The following UBE2H variants were observed in gnomAD, a reference collection of about 807,000 sequenced individuals.
The protein encoded by UBE2H is ubiquitin conjugating enzyme E2 H, also known as ubiquitin-conjugating enzyme E2 H.
UBE2H carries 3 observed loss-of-function variants against 29.0 expected under a neutral mutation model. The ratio of observed to expected loss-of-function variants is 0.10; its 90% CI spans 0.05 to 0.27. UBE2H has a LOEUF of 0.27. UBE2H is among the 10% of genes least tolerant of loss of function. The probability of loss-of-function intolerance (pLI) is 1.00; values close to 1 mark genes in which losing one functional copy is unlikely to be tolerated. For synonymous variants in UBE2H, 69 were observed against 82.9 expected, an observed-to-expected ratio of 0.83 and a Z score of 0.91; for missense variants, 68 against 228.2, an observed-to-expected ratio of 0.30 and a Z score of 4.52.
At chr7:129,841,715 T>C (rs1285756083) in intron 5 of UBE2H, among the ~76,000 whole-genome samples, 1 of 152,098 alleles carries the variant, frequency 6.6e-6, no homozygotes, top group Non-Finnish European at 1.5e-5. Context: ...CTTGGGGTGA[T>C]TTCATCAGAG....
At chr7:129,944,715 A>AACACACACACACACACAC (rs57825154) in intron 1 of UBE2H, among the ~76,000 whole-genome samples, 5 of 143,952 alleles carry the variant, frequency 3.5e-5, no homozygotes, top group African/African-American at 1.1e-4. Context: ...ATGCGCTCAA[A>AACACACACACACACACAC]ACACACACAC....
At chr7:129,835,641 A>T (rs1364693828) in intron 6 of UBE2H, among the ~76,000 whole-genome samples, 2 of 152,194 alleles carry the variant, frequency 1.3e-5, no homozygotes, top group Non-Finnish European at 2.9e-5. Flanking sequence ...TTCCATGTAT[A>T]ATTTACCTGA....
At chr7:129,864,282 C>T (rs938541179) in intron 3 of UBE2H, among the ~76,000 whole-genome samples, 5 of 152,142 alleles carry the variant, frequency 3.3e-5, no homozygotes, top group Admixed American at 1.3e-4. Flanking sequence ...GCCAGAAATT[C>T]GGAAAAGGAA....
chr7:129,889,743 G>A (rs1363792691), intron 1 of UBE2H, among the ~76,000 whole-genome samples: 1 of 152,118 alleles, frequency 6.6e-6, no homozygotes, highest in East Asian at 1.9e-4. Flanking sequence ...CAACACTTTG[G>A]GAAGCAAGGG....
intron 1 of UBE2H, among the ~76,000 whole-genome samples, chr7:129,889,738 CTT>C (rs1187560223): frequency 6.6e-6 from 1 of 152,148 alleles, no homozygotes; most frequent in African/African-American, 2.4e-5. Flanking sequence ...AATCCCAACA[CTT>C]TGGGAAGCAA....
At chr7:129,870,930 G>A (rs1806017502) in intron 3 of UBE2H, among the ~76,000 whole-genome samples, 1 of 152,156 alleles carries the variant, frequency 6.6e-6, no homozygotes, top group South Asian at 2.1e-4. Context: ...CTTCTGCCTG[G>A]AAAGCTCTTA....
intron 5 of UBE2H, among the ~76,000 whole-genome samples, chr7:129,844,868 C>G (rs2116281409): frequency 6.6e-6 from 1 of 152,340 alleles, no homozygotes; most frequent in Non-Finnish European, 1.5e-5. Context: ...GTGGCTCATG[C>G]CTGTAATCCT....
At chr7:129,878,291 C>A (rs935927239) in intron 3 of UBE2H, among the ~76,000 whole-genome samples, 3 of 152,126 alleles carry the variant, frequency 2.0e-5, no homozygotes, top group African/African-American at 7.2e-5. Context: ...AACTTAGAGG[C>A]CCCTATAGCA....
intron 1 of UBE2H, among the ~76,000 whole-genome samples, chr7:129,922,401 T>A (rs1184515139): frequency 6.6e-6 from 1 of 152,036 alleles, no homozygotes; most frequent in Non-Finnish European, 1.5e-5. Context: ...TTCTCCTGCC[T>A]CAACCTTCTG....
intron 1 of UBE2H, among the ~76,000 whole-genome samples, chr7:129,882,515 C>T (rs987773417): frequency 1.3e-5 from 2 of 152,174 alleles, no homozygotes; most frequent in Admixed American, 1.3e-4. Context: ...TTGGTAAAGT[C>T]CTTGCTCAAG....
At chr7:129,893,133 G>A (rs994119286) in intron 1 of UBE2H, among the ~76,000 whole-genome samples, 15 of 152,152 alleles carry the variant, frequency 9.9e-5, no homozygotes, top group Admixed American at 4.6e-4. Flanking sequence ...CAACTGGTAC[G>A]AGTAAGGTTA....
intron 3 of UBE2H, among the ~76,000 whole-genome samples, chr7:129,867,699 T>TAAAAAAAAAAAAAAAAAAGAAAAAAAAA (rs1805934341): frequency 3.4e-5 from 1 of 29,642 alleles, no homozygotes; most frequent in Non-Finnish European, 5.8e-5. Flanking sequence ...TAGAGTATAA[T>TAAAAAAAAAAAAAAAAAAGAAAAAAAAA]AAAAAAAAAA....
chr7:129,932,560 C>CA (rs1322995627), intron 1 of UBE2H, among the ~76,000 whole-genome samples: 1 of 151,520 alleles, frequency 6.6e-6, no homozygotes, highest in Non-Finnish European at 1.5e-5. Context: ...AAAATCCTGT[C>CA]AGAGGAGATC....
chr7:129,934,131 G>A (rs1807466635), intron 1 of UBE2H, among the ~76,000 whole-genome samples: 1 of 152,064 alleles, frequency 6.6e-6, no homozygotes, highest in African/African-American at 2.4e-5. Flanking sequence ...AGACCACCCT[G>A]GGCAACATGG....
chr7:129,872,520 C>T (rs1235517251), intron 3 of UBE2H, among the ~76,000 whole-genome samples: 2 of 151,974 alleles, frequency 1.3e-5, no homozygotes, highest in Non-Finnish European at 2.9e-5. Context: ...ATGCAGTTCC[C>T]TTTATCACTT....
At position 129,952,647 on chromosome 7, in the gene UBE2H, G is replaced by T; in HGVS notation, c.-92C>A. 2 of 1,483,062 alleles carry T rather than the reference G, an allele frequency of 1.3e-6. No individual in the cohort carries two copies. The highest frequency in any genetic ancestry group is 5.0e-5 in the East Asian group (2 of 39,810). The allele number at this position is 1,483,062 out of a possible 1,614,324, so 91.9% of individuals were successfully genotyped here. ...GAGCCCGCGGCCGCGCCGGCTCCTC[G>T]GTGGAGGTGGCAACACCCCCGCGGT... is the stretch of plus-strand genomic sequence containing the variant. On this transcript the variant is annotated 5_prime_UTR_variant, in exon 1 of 7. Transcript: ENST00000355621.
chr7:129,935,036 C>A (rs1460383580), intron 1 of UBE2H, among the ~76,000 whole-genome samples: 2 of 148,652 alleles, frequency 1.3e-5, no homozygotes, highest in African/African-American at 5.0e-5. Flanking sequence ...TATATATGCA[C>A]CACAAAATAG....
chr7:129,863,805 G>A (rs1805843903), intron 3 of UBE2H, among the ~76,000 whole-genome samples: 1 of 113,646 alleles, frequency 8.8e-6, no homozygotes, highest in South Asian at 2.5e-4. Context: ...TCCAATACTA[G>A]GTGTTTTTTT....
At position 129,933,137 on chromosome 7, in the gene UBE2H, T is replaced by C. The variant is rs1433967663; in HGVS notation, c.53+19366A>G. 2.6e-5 allele frequency among the ~76,000 whole-genome samples: 4 copies of C among 152,348 alleles called. No individual in the cohort carries two copies. In the East Asian group the frequency reaches 7.7e-4, roughly 29 times the overall value. ...ATATCTGGTTTAAGTATCTTTCCTA[T>C]TATTCTGAATAACTAAGAAAAGGCC... On this transcript the variant is annotated intron_variant, in intron 1 of 6. Coordinates refer to ENST00000355621, the MANE Select transcript of UBE2H (RefSeq NM_003344.4).
Sources: gnomAD v4.1 joint callset for allele counts (sites outside exome capture counted in the v4.1 genomes callset) on GRCh38, gnomAD v4.1.1 for gene constraint, MANE v1.5 for transcripts, NCBI Gene and HGNC (gene_info 2026-07-23, HGNC 2026-07-21) for gene names.